RBMS3: variants seen among roughly 807,000 people sequenced by gnomAD.
RBMS3 encodes the protein RNA binding motif single stranded interacting protein 3, also known as RNA-binding motif, single-stranded-interacting protein 3.
Under a neutral mutation model 66.8 loss-of-function variants are expected in RBMS3, and 27 were observed. The ratio of observed to expected loss-of-function variants is 0.40; its 90% CI spans 0.30 to 0.56. RBMS3 has a LOEUF of 0.56. RBMS3 is among the 20% of genes least tolerant of loss of function. The pLI is 0.40. For synonymous variants in RBMS3, 188 were observed against 183.0 expected (o/e 1.03, Z -0.22); for missense variants, 513 against 549.5 (o/e 0.93, Z 0.66).
intron 4 of RBMS3, among the ~76,000 whole-genome samples, chr3:29,724,429 A>G (rs950369588): frequency 3.9e-5 from 6 of 152,176 alleles, no homozygotes; most frequent in African/African-American, 9.6e-5. Flanking sequence ...AATTTCTACA[A>G]TAACCCTCTA....
chr3:29,570,356 G>A (rs544909207), intron 3 of RBMS3, among the ~76,000 whole-genome samples: 1 of 151,996 alleles, frequency 6.6e-6, no homozygotes, highest in African/African-American at 2.4e-5. Flanking sequence ...ATTTAAAAAT[G>A]TACAATTAAA....
chr3:29,576,306 C>T (rs960011908), intron 3 of RBMS3, among the ~76,000 whole-genome samples: 1 of 152,140 alleles, frequency 6.6e-6, no homozygotes, highest in African/African-American at 2.4e-5. Context: ...CCTTTACTTT[C>T]TCCCAAACAA....
intron 1 of RBMS3, among the ~76,000 whole-genome samples, chr3:29,285,661 T>G (rs558714218): frequency 6.6e-6 from 1 of 151,984 alleles, no homozygotes; most frequent in East Asian, 1.9e-4. Context: ...GAGCCTGGTA[T>G]GAAGAAGGGG....
intron 6 of RBMS3, among the ~76,000 whole-genome samples, chr3:29,813,124 A>T (rs11712046): frequency 0.54 from 81,410 of 151,806 alleles, 22,484 homozygotes; most frequent in African/African-American, 0.62. Flanking sequence ...TTCTATATTA[A>T]GAATAAGGCT....
At chr3:29,600,720 G>A (rs906628323) in intron 4 of RBMS3, among the ~76,000 whole-genome samples, 1 of 151,946 alleles carries the variant, frequency 6.6e-6, no homozygotes, top group Non-Finnish European at 1.5e-5. Flanking sequence ...GAAAATTATG[G>A]CAAAGCCATC....
At chr3:29,875,786 C>T (rs890100510) in intron 7 of RBMS3, among the ~76,000 whole-genome samples, 1 of 152,096 alleles carries the variant, frequency 6.6e-6, no homozygotes, top group African/African-American at 2.4e-5. Context: ...TTCTGCTTCT[C>T]GTTTAGCCTA....
chr3:29,289,016 G>C (rs1323428036), intron 1 of RBMS3, among the ~76,000 whole-genome samples: 1 of 151,868 alleles, frequency 6.6e-6, no homozygotes, highest in Non-Finnish European at 1.5e-5. Flanking sequence ...TTTAAGCTTT[G>C]AAAAATCATA....
At chr3:29,364,978 C>T (rs780799418) in intron 1 of RBMS3, among the ~76,000 whole-genome samples, 3 of 151,988 alleles carry the variant, frequency 2.0e-5, no homozygotes, top group Non-Finnish European at 4.4e-5. Context: ...TTCCCAGTTC[C>T]TAAGAGCTAA....
At chr3:29,711,953 G>A (rs1018299104) in intron 4 of RBMS3, among the ~76,000 whole-genome samples, 10 of 152,168 alleles carry the variant, frequency 6.6e-5, no homozygotes, top group Non-Finnish European at 2.9e-5. Flanking sequence ...TCTTTGGATA[G>A]CTCATAAATA....
chr3:29,972,321 T>C (rs1302167954), intron 12 of RBMS3, among the ~76,000 whole-genome samples: 1 of 152,136 alleles, frequency 6.6e-6, no homozygotes, highest in Non-Finnish European at 1.5e-5. Context: ...CATTTAATTG[T>C]TTCCCTCTAA....
chr3:29,598,091 C>T (rs941298058), intron 4 of RBMS3, among the ~76,000 whole-genome samples: 4 of 152,042 alleles, frequency 2.6e-5, no homozygotes, highest in Non-Finnish European at 4.4e-5. Flanking sequence ...TACTTGTGGA[C>T]GAACACTTAC....
chr3:29,580,566 C>G (rs2047290264), intron 3 of RBMS3, among the ~76,000 whole-genome samples: 1 of 151,778 alleles, frequency 6.6e-6, no homozygotes, highest in Non-Finnish European at 1.5e-5. Context: ...ATTTATTTAT[C>G]AACTCTACTA....
intron 3 of RBMS3, among the ~76,000 whole-genome samples, chr3:29,538,354 A>C (rs2045646098): frequency 6.6e-6 from 1 of 152,216 alleles, no homozygotes. Context: ...AAAAACTCGA[A>C]CTAGAAATAG....
chr3:29,654,244 G>A (rs1262654171), intron 4 of RBMS3, among the ~76,000 whole-genome samples: 1 of 152,026 alleles, frequency 6.6e-6, no homozygotes, highest in Non-Finnish European at 1.5e-5. Context: ...TGATAAACCT[G>A]GAATATAGTA....
At chr3:29,769,222 G>A (rs773103910) in intron 6 of RBMS3, among the ~76,000 whole-genome samples, 5 of 151,824 alleles carry the variant, frequency 3.3e-5, no homozygotes, top group Admixed American at 6.6e-5. Context: ...AGACAAGAAC[G>A]GTGGCATGGC....
At chr3:29,564,624 A>C (rs1438332) in intron 3 of RBMS3, among the ~76,000 whole-genome samples, 50,335 of 151,908 alleles carry the variant, frequency 0.33, 9,951 homozygotes, top group African/African-American at 0.54. Flanking sequence ...ATAGTATGTA[A>C]CCTTTATTTT....
intron 3 of RBMS3, among the ~76,000 whole-genome samples, chr3:29,504,126 T>TC (rs397712994): frequency 2.6e-5 from 3 of 115,904 alleles, no homozygotes; most frequent in Non-Finnish European, 5.0e-5. Context: ...ACTTGGTCTC[T>TC]AAGTTTAGAG....
rs142762534 is a variant in RBMS3 at position 29,755,617 on chromosome 3, T to C, written c.558-7293T>C. 4.2e-3 allele frequency among the ~76,000 whole-genome samples: 640 copies of C among 152,100 alleles called. 15 individuals are homozygous for C. The highest frequency in any genetic ancestry group is 0.035 in the Admixed American group (528 of 15,272). On this transcript the variant is annotated intron_variant, in intron 5 of 14. Transcript: ENST00000383767. Reference sequence around the variant, plus strand: ...AGAGCTCAAGGAGCAACCACAAGGGTGTTTCCAGAGTTCATTGAGAGCCAG... The same window carrying C: ...AGAGCTCAAGGAGCAACCACAAGGGCGTTTCCAGAGTTCATTGAGAGCCAG...
intron 1 of RBMS3, among the ~76,000 whole-genome samples, chr3:29,413,073 AAG>A (rs1462538091): frequency 3.3e-5 from 5 of 152,202 alleles, no homozygotes; most frequent in Admixed American, 1.3e-4. Context: ...ACATAAGAAA[AAG>A]AGAGGCAGCA....
Sources: gnomAD v4.1 joint callset for allele counts (sites outside exome capture counted in the v4.1 genomes callset) on GRCh38, gnomAD v4.1.1 for gene constraint, MANE v1.5 for transcripts, NCBI Gene and HGNC (gene_info 2026-07-23, HGNC 2026-07-21) for gene names.